The following RNLS variants were observed in gnomAD, a reference collection of about 807,000 sequenced individuals.
RNLS encodes the protein renalase, FAD dependent amine oxidase, also known as renalase.
Under a neutral mutation model 39.8 loss-of-function variants are expected in RNLS, and 39 were observed. The ratio of observed to expected loss-of-function variants is 0.98; its 90% CI spans 0.76 to 1.28. The LOEUF is 1.28. RNLS is among the 50% of genes most tolerant of loss of function. RNLS has a pLI of 0.00. For missense variants in RNLS, 410 were observed against 413.3 expected, an observed-to-expected ratio of 0.99 and a Z score of 0.07; for synonymous variants, 147 against 150.7, an observed-to-expected ratio of 0.98 and a Z score of 0.18.
intron 4 of RNLS, among the ~76,000 whole-genome samples, chr10:88,387,230 G>T (rs894571574): frequency 2.0e-5 from 3 of 152,164 alleles, no homozygotes; most frequent in Admixed American, 6.5e-5. Flanking sequence ...ATAGAGTGGG[G>T]GTGGGAGAAG....
chr10:88,474,369 C>T (rs1016183862), intron 4 of RNLS, among the ~76,000 whole-genome samples: 2 of 152,098 alleles, frequency 1.3e-5, no homozygotes, highest in Non-Finnish European at 2.9e-5. Context: ...TTCTTTGTTG[C>T]GTGAGGTATT....
intron 5 of RNLS, among the ~76,000 whole-genome samples, chr10:88,355,483 A>G (rs1849086465): frequency 6.6e-6 from 1 of 152,198 alleles, no homozygotes. Context: ...GATCCACTCC[A>G]GACCGTTTGC....
chr10:88,191,595 G>A, the RNLS span, among the ~76,000 whole-genome samples: 1 of 152,206 alleles, frequency 6.6e-6, no homozygotes, highest in African/African-American at 2.4e-5. Context: ...GCAGGGATTA[G>A]AAGGCAAAGA....
intron 5 of RNLS, among the ~76,000 whole-genome samples, chr10:88,334,597 G>T (rs576918691): frequency 7.2e-4 from 109 of 152,166 alleles, no homozygotes; most frequent in African/African-American, 2.5e-3. Context: ...TAGATGGGAG[G>T]AAAGTGCTCT....
intron 4 of RNLS, among the ~76,000 whole-genome samples, chr10:88,506,493 C>T (rs781579454): frequency 2.1e-4 from 32 of 151,714 alleles, no homozygotes; most frequent in Non-Finnish European, 1.9e-4. Context: ...ATATCTACAA[C>T]TTAGCAACTT....
the RNLS span, among the ~76,000 whole-genome samples, chr10:88,200,585 T>C: frequency 6.6e-6 from 1 of 152,218 alleles, no homozygotes; most frequent in East Asian, 1.9e-4. Flanking sequence ...GTAGAACAAA[T>C]CGTGCCATTC....
intron 4 of RNLS, among the ~76,000 whole-genome samples, chr10:88,542,640 G>C (rs1433785322): frequency 6.6e-6 from 1 of 152,128 alleles, no homozygotes; most frequent in Non-Finnish European, 1.5e-5. Context: ...ACTATTATCA[G>C]GAGCACTAGA....
intron 5 of RNLS, among the ~76,000 whole-genome samples, chr10:88,324,974 G>T (rs978320226): frequency 6.6e-6 from 1 of 152,062 alleles, no homozygotes. Context: ...GTAGGTCAGG[G>T]TTTCCTTCCT....
the RNLS span, among the ~76,000 whole-genome samples, chr10:88,192,965 G>C: frequency 2.0e-5 from 3 of 152,168 alleles, no homozygotes; most frequent in Non-Finnish European, 2.9e-5. Context: ...CTTGGTGAAA[G>C]AGCATGGACA....
intron 4 of RNLS, among the ~76,000 whole-genome samples, chr10:88,469,422 AT>A (rs1446943732): frequency 1.3e-5 from 2 of 152,184 alleles, no homozygotes; most frequent in East Asian, 3.8e-4. Context: ...CTCTTGAAAT[AT>A]CTTTGGATAG....
At chr10:88,423,202 C>T (rs1200850615) in intron 4 of RNLS, among the ~76,000 whole-genome samples, 1 of 152,148 alleles carries the variant, frequency 6.6e-6, no homozygotes, top group Non-Finnish European at 1.5e-5. Context: ...TTCTATTTTC[C>T]CTAGTGGTAC....
chr10:88,464,124 C>T (rs547680358), intron 4 of RNLS, among the ~76,000 whole-genome samples: 4 of 152,068 alleles, frequency 2.6e-5, no homozygotes, highest in East Asian at 3.9e-4. Flanking sequence ...AAGAAAAATG[C>T]GGGCCAGAGC....
the RNLS span, among the ~76,000 whole-genome samples, chr10:88,204,994 A>G: frequency 2.6e-5 from 4 of 152,174 alleles, no homozygotes; most frequent in Admixed American, 1.3e-4. Context: ...CCAGTGCGGT[A>G]AGAAGAGATG....
chr10:88,491,749 C>G (rs1844891277), intron 4 of RNLS, among the ~76,000 whole-genome samples: 1 of 152,052 alleles, frequency 6.6e-6, no homozygotes, highest in Admixed American at 6.6e-5. Flanking sequence ...TCCACACACC[C>G]AAGTATCTGC....
intron 4 of RNLS, among the ~76,000 whole-genome samples, chr10:88,459,521 C>T (rs1440460327): frequency 6.6e-6 from 1 of 152,124 alleles, no homozygotes; most frequent in Non-Finnish European, 1.5e-5. Context: ...TGTACCTCCG[C>T]TACTAAAACA....
At chr10:88,496,886 C>G (rs1239691828) in intron 4 of RNLS, among the ~76,000 whole-genome samples, 1 of 152,064 alleles carries the variant, frequency 6.6e-6, no homozygotes, top group Non-Finnish European at 1.5e-5. Context: ...GCAATATAAA[C>G]ATAGCTATGG....
At chr10:88,259,094 A>G in the RNLS span, 1 of 152,356 alleles carries the variant, frequency 6.6e-6, no homozygotes. Context: ...ACTTATCATT[A>G]TTTAAATGAT....
rs1237244307 is a variant in RNLS at position 88,436,873 on chromosome 10, G to T, written c.527-74148C>A. On this transcript the variant is annotated intron_variant, in intron 4 of 6. Coordinates refer to ENST00000331772, the MANE Select transcript of RNLS (RefSeq NM_001031709.3). ...AAGTGCCCAATAATAAAATCAGTTT[G>T]CAGATACAATCTACATTTCCATATA... Among the ~76,000 whole-genome samples, 4 of 152,082 alleles carry T rather than the reference G, an allele frequency of 2.6e-5. No individual in the cohort carries two copies. The East Asian group carries it at 7.7e-4, about 29-fold the overall frequency.
intron 4 of RNLS, among the ~76,000 whole-genome samples, chr10:88,388,680 A>G (rs897588176): frequency 6.6e-6 from 1 of 151,936 alleles, no homozygotes; most frequent in Non-Finnish European, 1.5e-5. Flanking sequence ...TTCTCATAGA[A>G]CCTTTTTATT....
Sources: allele counts gnomAD v4.1 joint callset (sites outside exome capture counted in the v4.1 genomes callset), GRCh38; gene constraint gnomAD v4.1.1; transcripts MANE v1.5; gene names NCBI Gene and HGNC (gene_info 2026-07-23, HGNC 2026-07-21).